The following ECT2 variants were observed in gnomAD, a reference collection of about 807,000 sequenced individuals.
The protein encoded by ECT2 is epithelial cell transforming 2.
A neutral mutation model predicts 116.9 loss-of-function variants in ECT2; 61 were observed. The observed-to-expected ratio is 0.52, with a 90% CI of 0.42 to 0.65. The LOEUF (loss-of-function observed/expected upper bound fraction) is 0.65. Ranked by LOEUF, ECT2 falls within the 30% of genes least tolerant of loss-of-function variation. The pLI, the probability that ECT2 is intolerant of heterozygous loss-of-function variation, is 0.00. For synonymous variants in ECT2, 358 were observed against 346.4 expected (o/e 1.03, Z -0.37); for missense variants, 937 against 1,078.7 (o/e 0.87, Z 1.84).
At position 172,819,616 on chromosome 3, in the gene ECT2, G is replaced by A. The variant is rs184829238; in HGVS notation, c.2656-532G>A. Among the ~76,000 whole-genome samples the A allele has an allele frequency of 1.7e-3, 258 of 152,172 alleles. 2 individuals are homozygous for A. Among genetic ancestry groups the A allele is most frequent in the Admixed American group, 2.8e-3 (43 of 15,264 alleles). ...CCACATCAGCCTCCTGAGTAGCTGAGATTACAGTGGAACAAAATTATATAT... is the reference window on the plus strand; with the variant it reads ...CCACATCAGCCTCCTGAGTAGCTGAAATTACAGTGGAACAAAATTATATAT... On this transcript the variant is annotated intron_variant, in intron 24 of 24. Transcript: ENST00000392692.
intron 18 of ECT2, among the ~76,000 whole-genome samples, chr3:172,787,602 T>C (rs1159352643): frequency 6.6e-6 from 1 of 152,206 alleles, no homozygotes; most frequent in Non-Finnish European, 1.5e-5. Context: ...TTGCTTTTTT[T>C]CCCCTAGGAC....
At chr3:172,782,711 C>G (rs917713308) in intron 15 of ECT2, among the ~76,000 whole-genome samples, 1 of 152,104 alleles carries the variant, frequency 6.6e-6, no homozygotes, top group African/African-American at 2.4e-5. Flanking sequence ...TCCAGTAGGC[C>G]CCAGGTATGT....
At chr3:172,809,212 A>G (rs1249779707) in intron 22 of ECT2, among the ~76,000 whole-genome samples, 1 of 152,102 alleles carries the variant, frequency 6.6e-6, no homozygotes, top group East Asian at 1.9e-4. Context: ...GTCCTTTCCA[A>G]ACTTATAACC....
chr3:172,764,916 C>G (rs1180384117), intron 12 of ECT2, among the ~76,000 whole-genome samples: 1 of 152,174 alleles, frequency 6.6e-6, no homozygotes, highest in African/African-American at 2.4e-5. Context: ...TTGTGCTGAA[C>G]TGATACAGAA....
chr3:172,815,860 T>A, intron 23 of ECT2, 149 bp downstream of exon 23: 1 of 616,964 alleles, frequency 1.6e-6, no homozygotes, highest in East Asian at 3.0e-5. Context: ...GAAACAATAG[T>A]TTTACTTCAG....
At chr3:172,768,804 G>T (rs1387468342) in intron 12 of ECT2, among the ~76,000 whole-genome samples, 2 of 152,104 alleles carry the variant, frequency 1.3e-5, no homozygotes, top group African/African-American at 4.8e-5. Context: ...TTAGTGGAAT[G>T]CCTACCAACT....
Position 172,802,908 on chromosome 3 carries a change from A to G in ECT2, c.2034A>G (p.Thr678=). ...GAAGCTTAGTACAGCGGGTTGAAAC[A>G]ATTTCTCTAGGTGAGCACCCCTGTG... ...SHRSLVQRVE[T]ISLGEHPCDR... is the part of the protein sequence containing the mutation. The change falls in exon 20 of 25, where the codon ACA becomes ACG. Residue 678 remains threonine, a synonymous_variant. Coordinates refer to ENST00000392692, the MANE Select transcript of ECT2 (RefSeq NM_001258315.2). 2 of 1,613,408 alleles carry G rather than the reference A, an allele frequency of 1.2e-6. No individual in the cohort carries two copies. The highest frequency in any genetic ancestry group is 1.7e-6 in the Non-Finnish European group (2 of 1,179,586).
chr3:172,756,835 C>T lies in ECT2; in HGVS notation c.304-148C>T, dbSNP rs916610894. On this transcript the variant is annotated intron_variant, in intron 4 of 24. Transcript: ENST00000392692. ...ATATGGTTGTTCATTAAGTGTAATG[C>T]TGATTATTGTGTGATAGAAACTTAT... The T allele has an allele frequency of 1.2e-4, 76 of 640,300 alleles. No individual in the cohort carries two copies. In the African/African-American group the frequency reaches 1.3e-3, roughly 11 times the overall value. The allele number at this position is 640,300 out of a possible 1,614,324, so 39.7% of individuals were successfully genotyped here. A position where few individuals can be genotyped will look rare whatever the true frequency, so the allele number is the denominator to read the frequency against.
intron 13 of ECT2, among the ~76,000 whole-genome samples, chr3:172,769,709 A>C (rs562515446): frequency 6.6e-6 from 1 of 152,288 alleles, no homozygotes; most frequent in Non-Finnish European, 1.5e-5. Flanking sequence ...AACAGCTCTA[A>C]TGAATCCTTG....
chr3:172,773,800 C>T (rs1721123739), intron 13 of ECT2, 103 bp from the exon 14 acceptor site: 2 of 1,146,430 alleles, frequency 1.7e-6, no homozygotes, highest in Admixed American at 2.8e-5. Flanking sequence ...TTTATTATTA[C>T]TTCCTTCTCT....
intron 13 of ECT2, among the ~76,000 whole-genome samples, chr3:172,771,903 C>A (rs1250305740): frequency 6.6e-6 from 1 of 152,162 alleles, no homozygotes; most frequent in Non-Finnish European, 1.5e-5. Flanking sequence ...ATATTGTCTT[C>A]ATTTGACATC....
rs369562209 is a variant in ECT2, at chr3:172,789,256, G to T, written c.1907+2682G>T. On this transcript the variant is annotated intron_variant, in intron 18 of 24. Coordinates refer to ENST00000392692, the MANE Select transcript of ECT2 (RefSeq NM_001258315.2). ...TTTTTTGAGACAGGATCTCACTCTGGTTGCCCAGGCCGGAGTGCAGTGGCA... is the reference window on the plus strand; with the variant it reads ...TTTTTTGAGACAGGATCTCACTCTGTTTGCCCAGGCCGGAGTGCAGTGGCA... 1.1e-4 allele frequency among the ~76,000 whole-genome samples: 15 copies of T among 142,710 alleles called. 2 individuals are homozygous for T. Among genetic ancestry groups the T allele is most frequent in the East Asian group, 2.0e-4 (1 of 4,900 alleles). 93.6% of individuals were successfully genotyped at this position (142,710 alleles called of 152,430 possible). A position where few individuals can be genotyped will look rare whatever the true frequency, so the allele number is the denominator to read the frequency against.
At chr3:172,756,882 T>C in intron 4 of ECT2, 101 bp from the exon 5 acceptor site, 10 of 981,034 alleles carry the variant, frequency 1.0e-5, no homozygotes, top group Non-Finnish European at 1.5e-5. Context: ...ATAAACATGT[T>C]AAAGTTGATA....
chr3:172,770,999 GCATCA>G (rs1720522173), intron 13 of ECT2, among the ~76,000 whole-genome samples: 5 of 152,102 alleles, frequency 3.3e-5, no homozygotes, highest in Non-Finnish European at 7.4e-5. Flanking sequence ...TGTGTGTTGT[GCATCA>G]GAAAAAGCTT....
intron 18 of ECT2, among the ~76,000 whole-genome samples, chr3:172,794,408 TA>T (rs1196581337): frequency 2.6e-5 from 4 of 152,202 alleles, no homozygotes; most frequent in African/African-American, 7.2e-5. Flanking sequence ...CAGTTGACCA[TA>T]AATGTAATGG....
chr3:172,822,753 C>T (rs1408581336), downstream of ECT2, among the ~76,000 whole-genome samples: 1 of 151,874 alleles, frequency 6.6e-6, no homozygotes, highest in Non-Finnish European at 1.5e-5. Flanking sequence ...TCAAGTTGAA[C>T]TTCTAGAAGT....
chr3:172,774,525 T>G (rs1721293052), intron 14 of ECT2, among the ~76,000 whole-genome samples: 1 of 151,820 alleles, frequency 6.6e-6, no homozygotes, highest in Non-Finnish European at 1.5e-5. Flanking sequence ...GAGAATACTC[T>G]CTCACCCAGG....
At chr3:172,774,241 A>G (rs185468035) in intron 14 of ECT2, among the ~76,000 whole-genome samples, 2 of 152,258 alleles carry the variant, frequency 1.3e-5, no homozygotes, top group African/African-American at 4.8e-5. Context: ...TCTGTCACCC[A>G]GGTTTTAGTG....
chr3:172,815,822 GTTCT>G, intron 23 of ECT2, 111 bp downstream of exon 23: 5 of 704,482 alleles, frequency 7.1e-6, no homozygotes, highest in Non-Finnish European at 9.5e-6. Context: ...AAACAAAGCT[GTTCT>G]TCGGTTCTAG....
Sources: gnomAD v4.1 joint callset for allele counts (sites outside exome capture counted in the v4.1 genomes callset) on GRCh38, gnomAD v4.1.1 for gene constraint, MANE v1.5 for transcripts, NCBI Gene and HGNC (gene_info 2026-07-23, HGNC 2026-07-21) for gene names.